RIMS2: variants seen among roughly 807,000 people sequenced by gnomAD.
RIMS2 encodes the protein regulating synaptic membrane exocytosis 2, also known as regulating synaptic membrane exocytosis protein 2.
In RIMS2, 59 loss-of-function variants were observed where a neutral mutation model predicts 174.4. The ratio of observed to expected loss-of-function variants is 0.34; its 90% CI spans 0.27 to 0.42. RIMS2 has a LOEUF of 0.42. Ranked by LOEUF, RIMS2 falls within the 10% of genes least tolerant of loss-of-function variation. The pLI is 1.00. For missense variants in RIMS2, 1,620 were observed against 1,666.3 expected, an observed-to-expected ratio of 0.97 and a Z score of 0.48; for synonymous variants, 606 against 572.5, an observed-to-expected ratio of 1.06 and a Z score of -0.84.
At chr8:103,700,201 CTCCTTGG>C (rs2097151942) in intron 2 of RIMS2, among the ~76,000 whole-genome samples, 1 of 152,058 alleles carries the variant, frequency 6.6e-6, no homozygotes, top group Non-Finnish European at 1.5e-5. Flanking sequence ...TTGTCTATTT[CTCCTTGG>C]AGTTCTATTA....
chr8:104,109,387 C>G (rs906043069), intron 19 of RIMS2, among the ~76,000 whole-genome samples: 7 of 151,526 alleles, frequency 4.6e-5, no homozygotes, highest in African/African-American at 1.7e-4. Context: ...AAAGTTAGCT[C>G]TGGATTCAGA....
chr8:103,741,245 ACAGACC>A, intron 2 of RIMS2, among the ~76,000 whole-genome samples: 1 of 152,200 alleles, frequency 6.6e-6, no homozygotes, highest in South Asian at 2.1e-4. Context: ...ATTACTTAGT[ACAGACC>A]CAGATAGAAT....
chr8:103,532,050 A>C (rs1317685288), intron 1 of RIMS2, among the ~76,000 whole-genome samples: 2 of 152,240 alleles, frequency 1.3e-5, no homozygotes, highest in African/African-American at 4.8e-5. Flanking sequence ...TCTAGTGTTA[A>C]CTTCTAATTC....
intron 3 of RIMS2, among the ~76,000 whole-genome samples, chr8:103,788,761 G>C (rs1361832268): frequency 1.4e-4 from 22 of 152,184 alleles, no homozygotes; most frequent in Non-Finnish European, 2.8e-4. Context: ...GGAGCCTACA[G>C]AGGCAGGCAG....
chr8:103,745,195 A>G (rs1041521024), intron 2 of RIMS2, among the ~76,000 whole-genome samples: 2 of 152,124 alleles, frequency 1.3e-5, no homozygotes, highest in Non-Finnish European at 2.9e-5. Context: ...TTACTTCCCT[A>G]TACCCCTGCA....
chr8:103,723,424 G>A (rs2138536320), intron 2 of RIMS2, among the ~76,000 whole-genome samples: 1 of 152,348 alleles, frequency 6.6e-6, no homozygotes, highest in Non-Finnish European at 1.5e-5. Flanking sequence ...GGATCCATGG[G>A]CAGGCTTGCT....
intron 19 of RIMS2, among the ~76,000 whole-genome samples, chr8:104,184,640 A>C (rs1159679250): frequency 1.3e-5 from 2 of 151,566 alleles, no homozygotes; most frequent in African/African-American, 4.8e-5. Flanking sequence ...AGATTAAAGA[A>C]ATTTCCAAAG....
At chr8:103,549,771 G>A (rs1288474312) in intron 1 of RIMS2, among the ~76,000 whole-genome samples, 1 of 152,100 alleles carries the variant, frequency 6.6e-6, no homozygotes, top group Non-Finnish European at 1.5e-5. Context: ...AAGGGATGGA[G>A]GAAGATCTAC....
At chr8:103,674,198 T>C (rs1234687714) in intron 1 of RIMS2, among the ~76,000 whole-genome samples, 1 of 152,226 alleles carries the variant, frequency 6.6e-6, no homozygotes, top group African/African-American at 2.4e-5. Flanking sequence ...CACAACTGTT[T>C]AATCAGTCCC....
chr8:104,034,385 A>G (rs2096465386), intron 19 of RIMS2, among the ~76,000 whole-genome samples: 1 of 152,036 alleles, frequency 6.6e-6, no homozygotes, highest in Non-Finnish European at 1.5e-5. Context: ...TGCTTTTTTT[A>G]AAGAATGATC....
intron 1 of RIMS2, among the ~76,000 whole-genome samples, chr8:103,590,537 C>T (rs2094201764): frequency 6.6e-6 from 1 of 151,126 alleles, no homozygotes; most frequent in African/African-American, 2.4e-5. Flanking sequence ...AAATTTCAAG[C>T]ATACAGAAAA....
At chr8:104,013,236 T>C (rs1433487201) in intron 17 of RIMS2, among the ~76,000 whole-genome samples, 3 of 152,194 alleles carry the variant, frequency 2.0e-5, no homozygotes, top group African/African-American at 4.8e-5. Flanking sequence ...TTGCTGGGAA[T>C]TACTTTGAAA....
intron 6 of RIMS2, 38 bp from the exon 10 acceptor site, chr8:103,915,457 A>G (rs976828691): frequency 1.9e-5 from 24 of 1,257,876 alleles, no homozygotes; most frequent in East Asian, 2.4e-5. Flanking sequence ...GCTCATTTTA[A>G]CAATATTCCC....
At chr8:104,080,803 G>A (rs114825083) in intron 19 of RIMS2, among the ~76,000 whole-genome samples, 17 of 151,874 alleles carry the variant, frequency 1.1e-4, no homozygotes, top group African/African-American at 1.9e-4. Context: ...TAAATATAAC[G>A]TTTTATTAAA....
intron 3 of RIMS2, among the ~76,000 whole-genome samples, chr8:103,798,083 CTACAATATTGATTAAGTATATACTTTATA>C (rs1291728581): frequency 1.3e-5 from 2 of 151,922 alleles, no homozygotes; most frequent in Admixed American, 6.6e-5. Flanking sequence ...GGTACATAGT[CTACAATATTGATTAAGTATATACTTTATA>C]TATAACAGTT....
chr8:103,866,590 C>T (rs1482110060), intron 3 of RIMS2, among the ~76,000 whole-genome samples: 1 of 152,058 alleles, frequency 6.6e-6, no homozygotes, highest in Non-Finnish European at 1.5e-5. Flanking sequence ...TGCTACATAC[C>T]TAAGCACAGG....
intron 19 of RIMS2, among the ~76,000 whole-genome samples, chr8:104,243,488 C>A (rs2099313255): frequency 6.6e-6 from 1 of 152,112 alleles, no homozygotes; most frequent in South Asian, 2.1e-4. Context: ...AGTTCAAGAC[C>A]AGCCTGGCCA....
intron 1 of RIMS2, among the ~76,000 whole-genome samples, chr8:103,610,883 G>C (rs147093875): frequency 1.3e-3 from 197 of 152,306 alleles, no homozygotes; most frequent in African/African-American, 4.4e-3. Context: ...TTCGGGAATA[G>C]TTTCAATAGG....
At chr8:103,659,315 A>C (rs2096568440) in intron 1 of RIMS2, among the ~76,000 whole-genome samples, 1 of 152,162 alleles carries the variant, frequency 6.6e-6, no homozygotes, top group East Asian at 1.9e-4. Context: ...GCAAGACCCC[A>C]ATCAGCCTTC....
Sources: allele counts gnomAD v4.1 joint callset (sites outside exome capture counted in the v4.1 genomes callset), GRCh38; gene constraint gnomAD v4.1.1; transcripts MANE v1.5; gene names NCBI Gene and HGNC (gene_info 2026-07-23, HGNC 2026-07-21).